The following AP3M1 variants were observed in gnomAD, a reference collection of about 807,000 sequenced individuals.
AP3M1 encodes adaptor related protein complex 3 subunit mu 1, also known as AP-3 complex subunit mu-1.
A neutral mutation model predicts 42.6 loss-of-function variants in AP3M1; 29 were observed. The observed-to-expected ratio is 0.68, with a 90% CI of 0.51 to 0.93. The LOEUF is 0.93. Among genes scored for constraint, AP3M1 ranks in the 40% least tolerant of loss-of-function variants. AP3M1 has a pLI of 0.00. For missense variants in AP3M1, 416 were observed against 510.2 expected (o/e 0.82, Z 1.78); for synonymous variants, 178 against 175.3 (o/e 1.02, Z -0.12).
chr10:74,136,128 C>A (rs1840932539), intron 3 of AP3M1, among the ~76,000 whole-genome samples: 1 of 152,174 alleles, frequency 6.6e-6, no homozygotes. Flanking sequence ...TAAACTATTT[C>A]CTATTTTTTC....
chr10:74,124,313 CTAAATGCCTAA>C (rs1478174723), intron 8 of AP3M1, 56 bp downstream of exon 8: 41 of 1,542,778 alleles, frequency 2.7e-5, no homozygotes, highest in Non-Finnish European at 8.7e-7. Context: ...TGTTACTCTT[CTAAATGCCTAA>C]TAAATGAGCT....
intron 8 of AP3M1, 118 bp from the exon 9 acceptor site, chr10:74,124,028 A>C (rs1203029802): frequency 2.5e-5 from 23 of 906,894 alleles, no homozygotes; most frequent in Non-Finnish European, 3.4e-5. Context: ...CATTTGGAAG[A>C]AATGTCTCTT....
rs1392516069 is a variant in AP3M1, at chr10:74,134,182, A to G, written c.446-18T>C. 6.2e-7 allele frequency: 1 copy of G among 1,610,656 alleles called. No homozygotes were observed. Among genetic ancestry groups the G allele is most frequent in the East Asian group, 2.2e-5 (1 of 44,838 alleles). On this transcript the variant is annotated intron_variant, in intron 3 of 8. Coordinates refer to ENST00000355264, the MANE Select transcript of AP3M1 (RefSeq NM_012095.6). Reference sequence around the variant, plus strand: ...ACTACTGCCTAGAAACCAAAAAAGGAGAAGGCAAAGCTGATGTATAAAACA... The same window carrying G: ...ACTACTGCCTAGAAACCAAAAAAGGGGAAGGCAAAGCTGATGTATAAAACA...
intron 4 of AP3M1, among the ~76,000 whole-genome samples, chr10:74,133,668 T>C (rs2131976530): frequency 6.6e-6 from 1 of 151,020 alleles, no homozygotes; most frequent in African/African-American, 2.4e-5. Flanking sequence ...CCTTTCTTCT[T>C]CTTTTTTTTT....
chr10:74,135,701 T>G (rs936924062), intron 3 of AP3M1, among the ~76,000 whole-genome samples: 1 of 152,248 alleles, frequency 6.6e-6, no homozygotes, highest in African/African-American at 2.4e-5. Flanking sequence ...ACTTTATCTG[T>G]GAAGTATGGA....
chr10:74,145,819 C>A (rs1841309428), intron 1 of AP3M1, among the ~76,000 whole-genome samples: 1 of 152,154 alleles, frequency 6.6e-6, no homozygotes, highest in South Asian at 2.1e-4. Context: ...ACAAGCAATG[C>A]ATTTACAATA....
chr10:74,135,148 C>A (rs1840904284), intron 3 of AP3M1, among the ~76,000 whole-genome samples: 1 of 152,180 alleles, frequency 6.6e-6, no homozygotes, highest in South Asian at 2.1e-4. Context: ...TGCTCACTGG[C>A]TTTATGATAA....
At chr10:74,148,337 C>T (rs941650854) in intron 1 of AP3M1, among the ~76,000 whole-genome samples, 4 of 152,102 alleles carry the variant, frequency 2.6e-5, no homozygotes, top group African/African-American at 7.2e-5. Flanking sequence ...AGAAGGAACA[C>T]TTTCTACTCT....
chr10:74,138,375 A>C lies in AP3M1; in HGVS notation c.5T>G (p.Ile2Ser). ...ACAGTTTATGAGAAATAGACTGTGG[A>C]TCATTTTCTGTTGGGGCAAAGAAAG... M[I>S]HSLFLINCSG... is the part of the protein sequence containing the mutation. Residue 2 changes from isoleucine to serine, a missense_variant, in exon 2 of 9, where the codon ATC becomes AGC. Transcript: ENST00000355264. 1 of 1,609,060 alleles carries C rather than the reference A, an allele frequency of 6.2e-7. No individual in the cohort carries two copies. Among genetic ancestry groups the C allele is most frequent in the South Asian group, 1.1e-5 (1 of 90,440 alleles).
Position 74,133,932 on chromosome 10 carries a change from C to T in AP3M1, c.583+95G>A, listed in dbSNP as rs951443693. The T allele has an allele frequency of 4.4e-5, 66 of 1,489,530 alleles. No homozygotes were observed. The South Asian group carries it at 5.3e-4, about 12-fold the overall frequency. 92.3% of individuals were successfully genotyped at this position (1,489,530 alleles called of 1,614,324 possible). A position where few individuals can be genotyped will look rare whatever the true frequency, so the allele number is the denominator to read the frequency against. ...CCTCCCAAAGGGCTGGGATTACAGG[C>T]GTGAGCCACCGCGCCCGGCCAGGAC... On this transcript the variant is annotated intron_variant, in intron 4 of 8. Coordinates refer to ENST00000355264, the MANE Select transcript of AP3M1 (RefSeq NM_012095.6).
chr10:74,124,228 T>C, intron 8 of AP3M1, 152 bp downstream of exon 8: 1 of 909,226 alleles, frequency 1.1e-6, no homozygotes, highest in Non-Finnish European at 1.6e-6. Context: ...ATTTGGTCGG[T>C]GCCTGTGAGA....
chr10:74,127,192 C>T (rs1454190904), intron 6 of AP3M1, among the ~76,000 whole-genome samples: 2 of 152,096 alleles, frequency 1.3e-5, no homozygotes, highest in South Asian at 2.1e-4. Context: ...CTGATTTTTG[C>T]AACCAGTCCT....
At chr10:74,131,958 G>A (rs1290223352) in intron 4 of AP3M1, among the ~76,000 whole-genome samples, 1 of 152,110 alleles carries the variant, frequency 6.6e-6, no homozygotes, top group East Asian at 1.9e-4. Context: ...TGTGTGACCT[G>A]GAACAGTTCA....
At chr10:74,142,269 T>C (rs572823499) in intron 1 of AP3M1, among the ~76,000 whole-genome samples, 17 of 152,312 alleles carry the variant, frequency 1.1e-4, no homozygotes, top group South Asian at 2.1e-4. Context: ...CAAGTAATAG[T>C]ACTATAGTCT....
At chr10:74,136,308 C>T (rs1840940068) in intron 3 of AP3M1, among the ~76,000 whole-genome samples, 1 of 151,968 alleles carries the variant, frequency 6.6e-6, no homozygotes, top group Non-Finnish European at 1.5e-5. Flanking sequence ...ACTAAATTCT[C>T]TTCTAAGTGG....
rs1332273054 is a variant in AP3M1 at position 74,138,142 on chromosome 10, T to C, written c.238A>G (p.Ile80Val). ...TCAGCAACTCGATGTAGGAACTCAA[T>C]TACAAAGAGAGGTGGCACTTCGGTC... ...IQTEVPPLFV[I>V]EFLHRVADTF... The change falls in exon 2 of 9, where the codon ATT becomes GTT. Residue 80 changes from isoleucine to valine, a missense_variant. Ile to Val is a conservative substitution (Grantham distance 29). Transcript: ENST00000355264. 1 of 1,614,022 alleles carries C rather than the reference T, an allele frequency of 6.2e-7. No homozygotes were observed. Among genetic ancestry groups the C allele is most frequent in the East Asian group, 2.2e-5 (1 of 44,868 alleles).
chr10:74,133,875 C>T (rs374681814), intron 4 of AP3M1, 152 bp downstream of exon 4: 23 of 840,026 alleles, frequency 2.7e-5, no homozygotes, highest in South Asian at 1.1e-4. Flanking sequence ...AGGCTGGTCT[C>T]GAACTCTGAC....
chr10:74,140,921 A>C (rs1423798163), intron 1 of AP3M1, among the ~76,000 whole-genome samples: 1 of 152,252 alleles, frequency 6.6e-6, no homozygotes, highest in Admixed American at 6.5e-5. Context: ...TAAAACTCTT[A>C]GAAAAAATAT....
intron 1 of AP3M1, among the ~76,000 whole-genome samples, chr10:74,149,509 C>T (rs1031342471): frequency 1.3e-5 from 2 of 151,474 alleles, no homozygotes; most frequent in African/African-American, 4.9e-5. Flanking sequence ...AGGTTGGTCT[C>T]GAACTCCTGA....
Sources: allele counts gnomAD v4.1 joint callset (sites outside exome capture counted in the v4.1 genomes callset), GRCh38; gene constraint gnomAD v4.1.1; transcripts MANE v1.5; gene names NCBI Gene and HGNC (gene_info 2026-07-23, HGNC 2026-07-21).